Variants in SLC17A3 observed in about 807,000 individuals in gnomAD.
The protein encoded by SLC17A3 is sodium-dependent phosphate transport protein 4.
A neutral mutation model predicts 60.3 loss-of-function variants in SLC17A3; 61 were observed. That is an observed-to-expected ratio of 1.01 (90% CI 0.82 to 1.25). SLC17A3 has a LOEUF of 1.25. Among genes scored for constraint, SLC17A3 ranks in the 50% most tolerant of loss-of-function variants. The probability of loss-of-function intolerance (pLI) is 0.00; values close to 1 mark genes in which losing one functional copy is unlikely to be tolerated. For missense variants in SLC17A3, 624 were observed against 594.9 expected (o/e 1.05, Z -0.51); for synonymous variants, 192 against 208.9 (o/e 0.92, Z 0.70).
At chr6:25,862,171 T>G (rs1765460765) in intron 3 of SLC17A3, 62 bp downstream of exon 3, 1 of 1,495,722 alleles carries the variant, frequency 6.7e-7, no homozygotes, top group African/African-American at 1.4e-5. Flanking sequence ...TCTAGAAAAA[T>G]AAATATCCAA....
At chr6:25,846,383 C>A (rs1213670108) in intron 11 of SLC17A3, among the ~76,000 whole-genome samples, 1 of 152,132 alleles carries the variant, frequency 6.6e-6, no homozygotes, top group Non-Finnish European at 1.5e-5. Context: ...TGAGACACTA[C>A]ACAGCAATAG....
At chr6:25,867,137 T>C (rs1462280210) in intron 2 of SLC17A3, among the ~76,000 whole-genome samples, 1 of 152,010 alleles carries the variant, frequency 6.6e-6, no homozygotes, top group African/African-American at 2.4e-5. Flanking sequence ...ATCTGGAATG[T>C]ACTATGGTCT....
rs767599522 is a variant in SLC17A3 at position 25,868,274 on chromosome 6, C to T, written c.91+23G>A. On this transcript the variant is annotated intron_variant, in intron 2 of 12. Coordinates refer to ENST00000397060, the MANE Select transcript of SLC17A3 (RefSeq NM_001098486.2). ...AGAATTCACTGTAAAATCCTAAAAC[C>T]AAGCAGTTGAGGTCAAATTTACCTT... 8.3e-6 allele frequency: 13 copies of T among 1,574,156 alleles called. No homozygotes were observed. In the Admixed American group the frequency reaches 1.8e-4, roughly 22 times the overall value.
rs867156220 is a variant in SLC17A3 at position 25,844,926 on chromosome 6, A to G, written c.*375T>C. 5 of 191,512 alleles carry G rather than the reference A, an allele frequency of 2.6e-5. No homozygotes were observed. The East Asian group carries it at 6.7e-4, about 26-fold the overall frequency. The allele number at this position is 191,512 out of a possible 1,614,324, so 11.9% of individuals were successfully genotyped here. On this transcript the variant is annotated 3_prime_UTR_variant, in exon 13 of 13. Coordinates refer to ENST00000397060, the MANE Select transcript of SLC17A3 (RefSeq NM_001098486.2). ...GGACAATACTCAACCCAATAAATAG[A>G]AAGTAATATTAATTTTCACAAACAG...
At chr6:25,858,897 T>A (rs1308712514) in intron 5 of SLC17A3, among the ~76,000 whole-genome samples, 3 of 152,224 alleles carry the variant, frequency 2.0e-5, no homozygotes, top group African/African-American at 7.2e-5. Flanking sequence ...GTGAGCTGTA[T>A]CATATATATG....
At chr6:25,845,337 T>C (rs1765153841) in intron 12 of SLC17A3, 39 bp from the exon 13 acceptor site, 2 of 1,611,702 alleles carry the variant, frequency 1.2e-6, no homozygotes, top group Non-Finnish European at 1.7e-6. Flanking sequence ...AAACTTCAGC[T>C]GCTTCTATGG....
At chr6:25,856,035 C>T (rs1765351117) in intron 5 of SLC17A3, among the ~76,000 whole-genome samples, 1 of 152,120 alleles carries the variant, frequency 6.6e-6, no homozygotes, top group African/African-American at 2.4e-5. Flanking sequence ...TATTTCTGCA[C>T]AATAGAATAG....
At chr6:25,846,184 A>G (rs1304268328) in intron 11 of SLC17A3, among the ~76,000 whole-genome samples, 1 of 152,214 alleles carries the variant, frequency 6.6e-6, no homozygotes, top group South Asian at 2.1e-4. Flanking sequence ...GAACTATTTT[A>G]TCACTATTTG....
At chr6:25,850,393 T>C (rs1765253504) in intron 8 of SLC17A3, 66 bp downstream of exon 8, 2 of 1,497,322 alleles carry the variant, frequency 1.3e-6, no homozygotes, top group Non-Finnish European at 1.9e-6. Context: ...ATGGAATGAT[T>C]AGTGAGGGCA....
At chr6:25,849,532 A>T in intron 10 of SLC17A3, 68 bp from the exon 11 acceptor site, 1 of 945,730 alleles carries the variant, frequency 1.1e-6, no homozygotes, top group Non-Finnish European at 1.7e-6. Context: ...GCCCTGATCC[A>T]TGTATGAATC....
At chr6:25,848,409 G>A (rs1279526884) in intron 11 of SLC17A3, among the ~76,000 whole-genome samples, 3 of 152,122 alleles carry the variant, frequency 2.0e-5, no homozygotes, top group Non-Finnish European at 1.5e-5. Context: ...CAGGAGTAAG[G>A]TAATATCGCA....
At chr6:25,851,633 C>T (rs1489889310) in intron 6 of SLC17A3, among the ~76,000 whole-genome samples, 1 of 152,054 alleles carries the variant, frequency 6.6e-6, no homozygotes, top group Non-Finnish European at 1.5e-5. Context: ...TTTTTGAGCA[C>T]CTTCTGTTAA....
intron 5 of SLC17A3, among the ~76,000 whole-genome samples, chr6:25,859,631 G>A (rs1222337799): frequency 6.6e-6 from 1 of 152,282 alleles, no homozygotes; most frequent in South Asian, 2.1e-4. Flanking sequence ...TCATCCTTGT[G>A]TTTTTCCCAT....
At chr6:25,853,225 T>C (rs1332365437) in intron 6 of SLC17A3, among the ~76,000 whole-genome samples, 5 of 151,958 alleles carry the variant, frequency 3.3e-5, no homozygotes, top group Admixed American at 2.0e-4. Flanking sequence ...AATGAAAAAG[T>C]CCTCTTTTTC....
Position 25,861,779 on chromosome 6 carries a change from T to A in SLC17A3, c.537+17A>T. On this transcript the variant is annotated intron_variant, in intron 4 of 12. Coordinates refer to ENST00000397060, the MANE Select transcript of SLC17A3 (RefSeq NM_001098486.2). Reference sequence around the variant, plus strand: ...TAGAAATTCATATCCAACTCAGATTTATAAAATATTGGGTACCTGGCTTAG... The same window carrying A: ...TAGAAATTCATATCCAACTCAGATTAATAAAATATTGGGTACCTGGCTTAG... 1 of 1,611,906 alleles carries A rather than the reference T, an allele frequency of 6.2e-7. No individual in the cohort carries two copies. Among genetic ancestry groups the A allele is most frequent in the Non-Finnish European group, 8.5e-7 (1 of 1,178,022 alleles).
chr6:25,874,113 A>T (rs1765691828), intron 1 of SLC17A3, 54 bp downstream of exon 1: 1 of 152,092 alleles, frequency 6.6e-6, no homozygotes, highest in African/African-American at 2.4e-5. Context: ...GTCCATTGCT[A>T]TACAGAAAAG....
At chr6:25,856,846 C>CAAA (rs70977234) in intron 5 of SLC17A3, among the ~76,000 whole-genome samples, 1 of 84,708 alleles carries the variant, frequency 1.2e-5, no homozygotes, top group Non-Finnish European at 2.4e-5. Context: ...GACTCTGTCT[C>CAAA]AAAAAAAAAA....
intron 6 of SLC17A3, among the ~76,000 whole-genome samples, chr6:25,853,381 G>T (rs1581522960): frequency 1.1e-4 from 13 of 118,200 alleles, no homozygotes; most frequent in South Asian, 2.9e-4. Flanking sequence ...TCTCTTTTTT[G>T]GTTTAAATCC....
At chr6:25,858,994 G>A (rs184610363) in intron 5 of SLC17A3, among the ~76,000 whole-genome samples, 2 of 152,232 alleles carry the variant, frequency 1.3e-5, no homozygotes, top group East Asian at 3.9e-4. Context: ...CTAAGACACT[G>A]TAATGTGTTT....
Sources: gnomAD v4.1 joint callset for allele counts (sites outside exome capture counted in the v4.1 genomes callset) on GRCh38, gnomAD v4.1.1 for gene constraint, MANE v1.5 for transcripts, NCBI Gene and HGNC (gene_info 2026-07-23, HGNC 2026-07-21) for gene names.